The following CATSPERG variants were observed in gnomAD, a reference collection of about 807,000 sequenced individuals.
CATSPERG encodes catsper channel auxiliary subunit gamma.
Under a neutral mutation model 145.0 loss-of-function variants are expected in CATSPERG, and 115 were observed. That is an observed-to-expected ratio of 0.79 (90% confidence interval 0.68 to 0.93). CATSPERG has a LOEUF of 0.93. CATSPERG is among the 40% of genes least tolerant of loss of function. The pLI is 0.00. For missense variants in CATSPERG, 1,296 were observed against 1,490.1 expected, an observed-to-expected ratio of 0.87 and a Z score of 2.14; for synonymous variants, 588 against 589.0, an observed-to-expected ratio of 1.00 and a Z score of 0.02.
intron 1 of CATSPERG, 113 bp from the exon 2 acceptor site, chr19:38,337,108 C>T: frequency 7.6e-7 from 1 of 1,313,920 alleles, no homozygotes. Flanking sequence ...GGAGCAAGAG[C>T]CGGGGCGTGG....
chr19:38,337,259 G>T lies in CATSPERG; in HGVS notation c.25G>T (p.Ala9Ser). ...TATGTGCGGCCCAGCCATGTTCCCTGCCGGTCCTCCGTGGCCCAGAGTCCG... is the reference window on the plus strand; with the variant it reads ...TATGTGCGGCCCAGCCATGTTCCCTTCCGGTCCTCCGTGGCCCAGAGTCCG... MCGPAMFPAGPPWPRVRVV... is the reference protein window; with the variant it reads MCGPAMFPSGPPWPRVRVV... The change falls in exon 2 of 29, where the codon GCC becomes TCC. Residue 9 changes from alanine to serine, a missense_variant. Physicochemically the swap from Ala to Ser is moderately conservative, Grantham distance 99. Transcript: ENST00000409235. 6.4e-7 allele frequency: 1 copy of T among 1,551,450 alleles called. No homozygotes were observed. The highest frequency in any genetic ancestry group is 8.7e-7 in the Non-Finnish European group (1 of 1,147,020).
rs1174777827 is a variant in CATSPERG, at chr19:38,361,786, C to G, written c.2019C>G (p.Phe673Leu). ...CGCGCGTCCTGGAGCGCTCGGGCTT[C>G]CACAACGAGAACTCGCTCGCCATCT... is the stretch of plus-strand genomic sequence containing the variant. ...RPPRVLERSG[F>L]HNENSLAIYQ... is the part of the protein sequence containing the mutation. The change falls in exon 17 of 29, where the codon TTC becomes TTG. Residue 673 changes from phenylalanine to leucine, a missense_variant. Coordinates refer to ENST00000409235, the MANE Select transcript of CATSPERG (RefSeq NM_021185.5). 6.2e-6 allele frequency: 10 copies of G among 1,613,188 alleles called. No individual in the cohort carries two copies. Among genetic ancestry groups the G allele is most frequent in the Non-Finnish European group, 6.8e-6 (8 of 1,179,660 alleles).
intron 8 of CATSPERG, 152 bp downstream of exon 8, chr19:38,352,584 C>T: frequency 1.6e-6 from 1 of 636,436 alleles, no homozygotes. Flanking sequence ...CCGAATGGGC[C>T]TTGCCTTGCC....
At chr19:38,365,141 C>T in intron 22 of CATSPERG, 24 bp downstream of exon 22, 1 of 1,609,690 alleles carries the variant, frequency 6.2e-7, no homozygotes, top group South Asian at 1.1e-5. Flanking sequence ...GGATACTGGG[C>T]CCTGGGAGGG....
intron 14 of CATSPERG, 98 bp downstream of exon 14, chr19:38,359,679 G>C: frequency 1.4e-6 from 2 of 1,481,308 alleles, no homozygotes; most frequent in Non-Finnish European, 1.8e-6. Context: ...CAAGGGAAGG[G>C]GGCACCCTCG....
chr19:38,361,896 C>T (rs568055374), intron 17 of CATSPERG, 35 bp downstream of exon 17: 1 of 1,385,390 alleles, frequency 7.2e-7, no homozygotes, highest in African/African-American at 1.5e-5. Flanking sequence ...AGGCCTGAGA[C>T]GGGACTGGGG....
chr19:38,338,978 G>C (rs940333587), intron 3 of CATSPERG, among the ~76,000 whole-genome samples: 15 of 152,198 alleles, frequency 9.9e-5, no homozygotes, highest in Admixed American at 9.2e-4. Flanking sequence ...AAGTCCGGCG[G>C]AGTCAAAGGA....
intron 4 of CATSPERG, 68 bp from the exon 5 acceptor site, chr19:38,343,925 G>T (rs1969980846): frequency 6.5e-7 from 1 of 1,528,760 alleles, no homozygotes; most frequent in Admixed American, 2.0e-5. Context: ...AGATCCCAGG[G>T]TGGTCTGGGG....
intron 16 of CATSPERG, 26 bp from the exon 17 acceptor site, chr19:38,361,622 A>G (rs769032783): frequency 2.5e-6 from 4 of 1,586,974 alleles, no homozygotes; most frequent in Non-Finnish European, 3.4e-6. Flanking sequence ...TAGAGCCAGC[A>G]GCCTTTCCCC....
In CATSPERG at chr19:38,344,856, GACACACACACAC is replaced by G. The variant is rs34101460; in HGVS notation, c.669+504_669+515del. Among the ~76,000 whole-genome samples the G allele has an allele frequency of 6.1e-3, 561 of 92,312 alleles. 45 individuals are homozygous for G. Among genetic ancestry groups the G allele is most frequent in the East Asian group, 0.034 (86 of 2,560 alleles). 60.6% of individuals were successfully genotyped at this position (92,312 alleles called of 152,430 possible). Reference sequence around the variant, plus strand: ...ATATGTATATACCTGTACATGAACAGACACACACACACACACACACACACACATATATATATA... The same window carrying G: ...ATATGTATATACCTGTACATGAACAGACACACACACACACATATATATATA... On this transcript the variant is annotated intron_variant, in intron 6 of 28. Transcript: ENST00000409235.
rs1970252848 is a variant in CATSPERG at position 38,356,857 on chromosome 19, C to T, written c.1311C>T (p.Asn437=). ...ASKRFQVVSY[N]TASDDLELLY... is the part of the protein sequence containing the mutation. Reference sequence around the variant, plus strand: ...AACGTTTCCAGGTGGTCAGCTACAACACAGGTAATGAGGGTGATGCAAGGG... The same window carrying T: ...AACGTTTCCAGGTGGTCAGCTACAATACAGGTAATGAGGGTGATGCAAGGG... Residue 437 remains asparagine (N), a synonymous_variant, in exon 11 of 29, where the codon AAC becomes AAT. Coordinates refer to ENST00000409235, the MANE Select transcript of CATSPERG (RefSeq NM_021185.5). 5.6e-6 allele frequency: 9 copies of T among 1,613,928 alleles called. No homozygotes were observed. Among genetic ancestry groups the T allele is most frequent in the Non-Finnish European group, 7.6e-6 (9 of 1,179,948 alleles).
chr19:38,360,447 C>A (rs1164675903), intron 14 of CATSPERG, 42 bp from the exon 15 acceptor site: 4 of 1,610,320 alleles, frequency 2.5e-6, no homozygotes, highest in Non-Finnish European at 3.4e-6. Context: ...TCAGAGGACC[C>A]CATGGTCCTG....
rs1969973934 is a variant in CATSPERG at position 38,343,606 on chromosome 19, C to T, written c.351C>T (p.Gly117=). 4 of 1,550,878 alleles carry T rather than the reference C, an allele frequency of 2.6e-6. No homozygotes were observed. The highest frequency in any genetic ancestry group is 3.5e-6 in the Non-Finnish European group (4 of 1,146,634). ...CCTCTGAGGACCTGGTGCGCATGGG[C>T]CACCTGACGGGGCTAAAGCCCCTGG... ...EKPSEDLVRM[G]HLTGLKPLVL... is the part of the protein sequence containing the mutation. The change falls in exon 4 of 29, where the codon GGC becomes GGT. Residue 117 remains glycine, a synonymous_variant. Coordinates refer to ENST00000409235, the MANE Select transcript of CATSPERG (RefSeq NM_021185.5).
chr19:38,365,183 TC>T (rs1970427230), intron 22 of CATSPERG, 66 bp downstream of exon 22: 2 of 1,374,152 alleles, frequency 1.5e-6, no homozygotes, highest in Non-Finnish European at 2.1e-6. Flanking sequence ...ACAGGGCTAA[TC>T]CCCCTGAGAA....
intron 7 of CATSPERG, among the ~76,000 whole-genome samples, chr19:38,347,757 A>G (rs911144611): frequency 6.6e-6 from 1 of 152,132 alleles, no homozygotes; most frequent in Non-Finnish European, 1.5e-5. Flanking sequence ...CCTAGGCAAC[A>G]TGGTGAAACC....
At chr19:38,351,234 C>T (rs1013720012) in intron 7 of CATSPERG, among the ~76,000 whole-genome samples, 5 of 152,122 alleles carry the variant, frequency 3.3e-5, no homozygotes, top group East Asian at 1.9e-4. Flanking sequence ...GAGGCTGAGG[C>T]GGGAGGACTG....
chr19:38,344,155 C>T (rs369579522), intron 5 of CATSPERG, 36 bp downstream of exon 5: 15 of 1,550,608 alleles, frequency 9.7e-6, no homozygotes, highest in African/African-American at 8.2e-5. Context: ...GGGTGGACTC[C>T]GGGGGAATTC....
intron 8 of CATSPERG, among the ~76,000 whole-genome samples, chr19:38,353,990 C>CA (rs965226814): frequency 0.026 from 777 of 30,224 alleles, 55 homozygotes; most frequent in African/African-American, 0.048. Flanking sequence ...GACTCTGTCT[C>CA]AAAAAAAAAA....
intron 28 of CATSPERG, 132 bp downstream of exon 28, chr19:38,370,390 C>A: frequency 7.1e-7 from 1 of 1,404,224 alleles, no homozygotes; most frequent in Non-Finnish European, 1.0e-6. Flanking sequence ...GCCTGCCATG[C>A]CACAGGCTGT....
Sources: gnomAD v4.1 joint callset for allele counts (sites outside exome capture counted in the v4.1 genomes callset) on GRCh38, gnomAD v4.1.1 for gene constraint, MANE v1.5 for transcripts, NCBI Gene and HGNC (gene_info 2026-07-23, HGNC 2026-07-21) for gene names.